Variants in NDST4 observed in about 807,000 individuals in gnomAD.
NDST4 encodes the protein N-deacetylase and N-sulfotransferase 4.
NDST4 carries 63 observed loss-of-function variants against 100.8 expected under a neutral mutation model. The ratio of observed to expected loss-of-function variants is 0.62; its 90% CI spans 0.51 to 0.77. The LOEUF (loss-of-function observed/expected upper bound fraction) is 0.77, where lower values mean the gene tolerates loss of function less well. Ranked by LOEUF, NDST4 falls within the 30% of genes least tolerant of loss-of-function variation. The pLI, the probability that NDST4 is intolerant of heterozygous loss-of-function variation, is 0.00. For missense variants in NDST4, 943 were observed against 1,018.4 expected (o/e 0.93, Z 1.01); for synonymous variants, 377 against 361.8 (o/e 1.04, Z -0.48).
chr4:115,060,311 G>A (rs1338551099), intron 2 of NDST4, among the ~76,000 whole-genome samples: 2 of 151,916 alleles, frequency 1.3e-5, no homozygotes, highest in Non-Finnish European at 2.9e-5. Context: ...AAGTTTCTAA[G>A]AAAGGAATTA....
At chr4:114,976,802 A>T (rs1231121949) in intron 3 of NDST4, among the ~76,000 whole-genome samples, 1 of 151,966 alleles carries the variant, frequency 6.6e-6, no homozygotes, top group Non-Finnish European at 1.5e-5. Flanking sequence ...TAATATGTAC[A>T]AAAGTATCTA....
At chr4:114,901,333 A>G (rs1410777994) in intron 6 of NDST4, among the ~76,000 whole-genome samples, 1 of 152,012 alleles carries the variant, frequency 6.6e-6, no homozygotes, top group Non-Finnish European at 1.5e-5. Context: ...ACATACTAAA[A>G]ATTGTTATGT....
chr4:115,071,818 A>T (rs551424528), intron 2 of NDST4, among the ~76,000 whole-genome samples: 3 of 152,118 alleles, frequency 2.0e-5, no homozygotes, highest in African/African-American at 2.4e-5. Flanking sequence ...CCACAAAATT[A>T]TATTTGTCCA....
chr4:114,931,578 T>A (rs573250626), intron 6 of NDST4, among the ~76,000 whole-genome samples: 4 of 151,708 alleles, frequency 2.6e-5, no homozygotes, highest in Admixed American at 1.3e-4. Context: ...GTTGGATTTT[T>A]AAAAAGATAA....
chr4:114,935,354 A>T lies in NDST4; in HGVS notation c.1408-20T>A. ...GAGGACCTGAGTAAAAAAGGGGAAA[A>T]ACAGCACATGGACGTGATTTAATTA... On this transcript the variant is annotated intron_variant, in intron 5 of 13. Transcript: ENST00000264363. The T allele has an allele frequency of 6.5e-7, 1 of 1,543,212 alleles. No individual in the cohort carries two copies. The highest frequency in any genetic ancestry group is 2.4e-5 in the East Asian group (1 of 41,222).
intron 6 of NDST4, among the ~76,000 whole-genome samples, chr4:114,877,935 GAAGT>G (rs1340927405): frequency 7.7e-5 from 11 of 143,276 alleles, no homozygotes; most frequent in Admixed American, 4.2e-4. Context: ...CAAAAAATGA[GAAGT>G]AAGAGAAAGA....
At chr4:114,882,453 T>C (rs751402934) in intron 6 of NDST4, among the ~76,000 whole-genome samples, 8 of 152,138 alleles carry the variant, frequency 5.3e-5, no homozygotes, top group Non-Finnish European at 8.8e-5. Flanking sequence ...CTGGCCACAC[T>C]GGACACATAC....
At chr4:115,069,470 A>G (rs1729025007) in intron 2 of NDST4, among the ~76,000 whole-genome samples, 1 of 152,224 alleles carries the variant, frequency 6.6e-6, no homozygotes, top group African/African-American at 2.4e-5. Context: ...AAAAACAAAC[A>G]ACCCATTAAA....
At chr4:114,856,662 T>C (rs1328734607) in intron 7 of NDST4, among the ~76,000 whole-genome samples, 2 of 152,174 alleles carry the variant, frequency 1.3e-5, no homozygotes, top group Non-Finnish European at 2.9e-5. Flanking sequence ...TGTTATTATA[T>C]AGACTAAAGG....
chr4:115,069,571 T>C (rs1238438443), intron 2 of NDST4, among the ~76,000 whole-genome samples: 1 of 152,136 alleles, frequency 6.6e-6, no homozygotes, highest in East Asian at 1.9e-4. Flanking sequence ...TCACTGATCA[T>C]TAGAGAAATG....
chr4:115,072,435 A>G (rs1729096936), intron 2 of NDST4, among the ~76,000 whole-genome samples: 1 of 152,068 alleles, frequency 6.6e-6, no homozygotes. Context: ...ACAAAGCAAG[A>G]TATATTACAA....
At chr4:114,831,989 T>G (rs1332718433) in intron 12 of NDST4, among the ~76,000 whole-genome samples, 1 of 152,220 alleles carries the variant, frequency 6.6e-6, no homozygotes, top group African/African-American at 2.4e-5. Context: ...ATCACTATAG[T>G]TATTAATTTT....
chr4:115,041,399 A>G lies in NDST4; in HGVS notation c.978+34660T>C, dbSNP rs2126274295. Reference sequence around the variant, plus strand: ...CTTTTTAAAAGAGAGAATTATTTATAAAGTGCCTCAGCCTTCCAGAAAAAT... The same window carrying G: ...CTTTTTAAAAGAGAGAATTATTTATGAAGTGCCTCAGCCTTCCAGAAAAAT... On this transcript the variant is annotated intron_variant, in intron 2 of 13. Coordinates refer to ENST00000264363, the MANE Select transcript of NDST4 (RefSeq NM_022569.3). Among the ~76,000 whole-genome samples, 5 of 152,190 alleles carry G rather than the reference A, an allele frequency of 3.3e-5. 1 individual carries two copies. In the Middle Eastern group the frequency reaches 0.017, roughly 518 times the overall value.
In NDST4 at chr4:114,962,230, C is replaced by T. The variant is rs945769495; in HGVS notation, c.1221+8200G>A. On this transcript the variant is annotated intron_variant, in intron 4 of 13. Coordinates refer to ENST00000264363, the MANE Select transcript of NDST4 (RefSeq NM_022569.3). ...TAATGGCGAAAGACTGCATACTTTC[C>T]CCTTAAGACCAGGCATAAAACAAGG... Among the ~76,000 whole-genome samples, 5 of 151,956 alleles carry T rather than the reference C, an allele frequency of 3.3e-5. No individual in the cohort carries two copies. The East Asian group carries it at 9.6e-4, about 29-fold the overall frequency.
chr4:114,908,754 A>G (rs1418135314), intron 6 of NDST4, among the ~76,000 whole-genome samples: 1 of 152,192 alleles, frequency 6.6e-6, no homozygotes, highest in East Asian at 1.9e-4. Context: ...CACACGGGAG[A>G]CTTTCAAAGC....
chr4:114,827,970 C>T, intron 13 of NDST4, 35 bp from the exon 14 acceptor site: 1 of 1,569,062 alleles, frequency 6.4e-7, no homozygotes, highest in Non-Finnish European at 8.6e-7. Flanking sequence ...GAAAGAAGCT[C>T]TTTGTTTCAT....
intron 6 of NDST4, among the ~76,000 whole-genome samples, chr4:114,905,248 C>G (rs1290399904): frequency 7.5e-6 from 1 of 133,766 alleles, no homozygotes; most frequent in African/African-American, 3.7e-5. Context: ...CAGTTCATTG[C>G]TAATTGGTGG....
At chr4:114,919,760 T>C (rs1032257868) in intron 6 of NDST4, among the ~76,000 whole-genome samples, 1 of 152,196 alleles carries the variant, frequency 6.6e-6, no homozygotes, top group Non-Finnish European at 1.5e-5. Flanking sequence ...GCTCTAGGGA[T>C]AATGGATTCT....
At position 115,039,367 on chromosome 4, in the gene NDST4, G is replaced by T. The variant is rs145394317; in HGVS notation, c.978+36692C>A. ...TTTAGCCTAAAATCTGTAGAGGCTG[G>T]AGGGATCTGGACATATGAACCTCAG... On this transcript the variant is annotated intron_variant, in intron 2 of 13. Transcript: ENST00000264363. Among the ~76,000 whole-genome samples, 410 of 152,178 alleles carry T rather than the reference G, an allele frequency of 2.7e-3. 1 individual carries two copies. Among genetic ancestry groups the T allele is most frequent in the African/African-American group, 9.5e-3 (394 of 41,530 alleles).
Sources: allele counts gnomAD v4.1 joint callset (sites outside exome capture counted in the v4.1 genomes callset), GRCh38; gene constraint gnomAD v4.1.1; transcripts MANE v1.5; gene names NCBI Gene and HGNC (gene_info 2026-07-23, HGNC 2026-07-21).